Variants in CRTC3 observed in about 807,000 individuals in gnomAD.
CRTC3 encodes CREB-regulated transcription coactivator 3.
In CRTC3, 26 loss-of-function variants were observed where a neutral mutation model predicts 74.5. The ratio of observed to expected loss-of-function variants is 0.35; its 90% CI spans 0.26 to 0.48. The LOEUF (loss-of-function observed/expected upper bound fraction) is 0.48, where lower values mean the gene tolerates loss of function less well. CRTC3 is among the 20% of genes least tolerant of loss of function. The pLI is 0.99. For synonymous variants in CRTC3, 377 were observed against 325.8 expected (o/e 1.16, Z -1.69); for missense variants, 760 against 787.3 (o/e 0.97, Z 0.41).
Position 90,642,276 on chromosome 15 carries a change from A to G in CRTC3, c.*136A>G. On this transcript the variant is annotated 3_prime_UTR_variant, in exon 15 of 15. Coordinates refer to ENST00000268184, the MANE Select transcript of CRTC3 (RefSeq NM_022769.5). ...CAATGCCACGGCTCCAGGGTTTCAG[A>G]TGAGATCCCATCTCAGACACTGTGG... 1.5e-6 allele frequency: 1 copy of G among 688,986 alleles called. No individual in the cohort carries two copies. The highest frequency in any genetic ancestry group is 1.8e-5 in the South Asian group (1 of 55,872). 42.7% of individuals were successfully genotyped at this position (688,986 alleles called of 1,614,324 possible). A position where few individuals can be genotyped will look rare whatever the true frequency, so the allele number is the denominator to read the frequency against.
intron 3 of CRTC3, among the ~76,000 whole-genome samples, chr15:90,599,991 TACTG>T (rs1317828317): frequency 6.6e-6 from 1 of 152,174 alleles, no homozygotes; most frequent in Non-Finnish European, 1.5e-5. Flanking sequence ...CCAACAGAAA[TACTG>T]ACAGGTTTTG....
intron 2 of CRTC3, among the ~76,000 whole-genome samples, chr15:90,541,958 T>C (rs1291287205): frequency 6.6e-6 from 1 of 151,760 alleles, no homozygotes; most frequent in Non-Finnish European, 1.5e-5. Flanking sequence ...CTAATTTTTA[T>C]ATTTTTAGTA....
intron 2 of CRTC3, among the ~76,000 whole-genome samples, chr15:90,583,433 T>A (rs1967588077): frequency 6.6e-6 from 1 of 152,168 alleles, no homozygotes; most frequent in Non-Finnish European, 1.5e-5. Flanking sequence ...CTGCTCTTCA[T>A]CTCTTCTTTT....
At chr15:90,613,104 G>GCAGGGGAATCGCTTGAA (rs71311224) in intron 6 of CRTC3, among the ~76,000 whole-genome samples, 2 of 150,790 alleles carry the variant, frequency 1.3e-5, no homozygotes, top group African/African-American at 2.4e-5. Context: ...GGAGGCTGAG[G>GCAGGGGAATCGCTTGAA]CCCAGGAGGT....
chr15:90,533,846 A>G (rs1028455654), intron 1 of CRTC3, among the ~76,000 whole-genome samples: 30 of 152,162 alleles, frequency 2.0e-4, no homozygotes, highest in African/African-American at 7.2e-4. Context: ...CTAAAGGCTC[A>G]GGGGGAGTGG....
intron 2 of CRTC3, among the ~76,000 whole-genome samples, chr15:90,574,599 T>C (rs779240724): frequency 1.4e-4 from 21 of 152,170 alleles, no homozygotes; most frequent in Non-Finnish European, 2.9e-4. Flanking sequence ...GGCACAAGCA[T>C]ATGCATGTGT....
At chr15:90,613,085 A>C (rs1968401926) in intron 6 of CRTC3, among the ~76,000 whole-genome samples, 1 of 149,890 alleles carries the variant, frequency 6.7e-6, no homozygotes, top group African/African-American at 2.5e-5. Context: ...CTGTAATCCC[A>C]ACTACTGGGG....
intron 2 of CRTC3, among the ~76,000 whole-genome samples, chr15:90,592,781 A>G (rs1967830663): frequency 1.3e-5 from 2 of 152,208 alleles, no homozygotes; most frequent in South Asian, 4.1e-4. Flanking sequence ...ATAGTAAGAG[A>G]GTGGGTGTCC....
At chr15:90,531,408 C>T (rs1966624765) in intron 1 of CRTC3, among the ~76,000 whole-genome samples, 1 of 152,104 alleles carries the variant, frequency 6.6e-6, no homozygotes, top group Non-Finnish European at 1.5e-5. Flanking sequence ...TGCCACCGTC[C>T]ACTCTCTGTC....
chr15:90,540,031 G>C lies in CRTC3; in HGVS notation c.133-8G>C. On this transcript the variant is annotated splice_region_variant and splice_polypyrimidine_tract_variant and intron_variant, in intron 1 of 14. Transcript: ENST00000268184. ...CCTCTCAGCGTTCTTAAATCACTTT[G>C]TTTCCAGGTTCAATTTCAGAAGCTT... The C allele has an allele frequency of 1.2e-6, 2 of 1,601,842 alleles. No homozygotes were observed. Among genetic ancestry groups the C allele is most frequent in the Admixed American group, 3.3e-5 (2 of 59,840 alleles).
chr15:90,561,205 T>G (rs1967004631), intron 2 of CRTC3, among the ~76,000 whole-genome samples: 1 of 152,228 alleles, frequency 6.6e-6, no homozygotes, highest in South Asian at 2.1e-4. Context: ...GCACAGTTGT[T>G]GTTCAATACA....
rs141717964 is a variant in CRTC3, at chr15:90,553,685, C to T, written c.231+13548C>T. 8.5e-4 allele frequency among the ~76,000 whole-genome samples: 130 copies of T among 152,266 alleles called. 1 individual carries two copies. Among genetic ancestry groups the T allele is most frequent in the African/African-American group, 3.1e-3 (128 of 41,554 alleles). On this transcript the variant is annotated intron_variant, in intron 2 of 14. Transcript: ENST00000268184. Reference sequence around the variant, plus strand: ...ATTGCCATTTTCATTCTGCCTCCTACGTGCTCTCAATTGTTCATGCAGTGG... The same window carrying T: ...ATTGCCATTTTCATTCTGCCTCCTATGTGCTCTCAATTGTTCATGCAGTGG...
chr15:90,617,172 T>A (rs2151087579), intron 7 of CRTC3, among the ~76,000 whole-genome samples: 1 of 151,844 alleles, frequency 6.6e-6, no homozygotes, highest in Middle Eastern at 3.4e-3. Flanking sequence ...TCTAAAGGGC[T>A]CCCCCCAGTG....
At chr15:90,542,933 C>T (rs1411436612) in intron 2 of CRTC3, among the ~76,000 whole-genome samples, 2 of 152,028 alleles carry the variant, frequency 1.3e-5, no homozygotes, top group Non-Finnish European at 2.9e-5. Context: ...AGAAGTGAGG[C>T]TGTTATGGTA....
At chr15:90,635,538 G>T (rs138331645) in intron 11 of CRTC3, among the ~76,000 whole-genome samples, 3,053 of 152,162 alleles carry the variant, frequency 0.02, 116 homozygotes, top group African/African-American at 0.07. Flanking sequence ...TCAGCTACTC[G>T]GGAGACTGAG....
At position 90,584,552 on chromosome 15, in the gene CRTC3, A is replaced by T. The variant is rs1291360187; in HGVS notation, c.232-9084A>T. On this transcript the variant is annotated intron_variant, in intron 2 of 14. Coordinates refer to ENST00000268184, the MANE Select transcript of CRTC3 (RefSeq NM_022769.5). Reference sequence around the variant, plus strand: ...GTGCCCGGCCCCCAGCAGAATTTTTAAAAAAGAGTTGTGGTCTCATTATGT... The same window carrying T: ...GTGCCCGGCCCCCAGCAGAATTTTTTAAAAAGAGTTGTGGTCTCATTATGT... Among the ~76,000 whole-genome samples, 5 of 152,272 alleles carry T rather than the reference A, an allele frequency of 3.3e-5. No individual in the cohort carries two copies. In the East Asian group the frequency reaches 5.8e-4, roughly 18 times the overall value.
intron 2 of CRTC3, among the ~76,000 whole-genome samples, chr15:90,551,950 A>G (rs1039936078): frequency 3.9e-4 from 8 of 20,444 alleles, no homozygotes; most frequent in Admixed American, 1.1e-3. Flanking sequence ...ACACGCACAC[A>G]CACACACACA....
Position 90,642,664 on chromosome 15 carries a change from T to G in CRTC3, c.*524T>G, listed in dbSNP as rs1969492141. ...TCCCAGGCTGAGTGGACCCCACGGC[T>G]CTCTCCCACGCCTGGATTACGACAT... On this transcript the variant is annotated 3_prime_UTR_variant, in exon 15 of 15. Transcript: ENST00000268184. 1 of 235,134 alleles carries G rather than the reference T, an allele frequency of 4.3e-6. No individual in the cohort carries two copies. Among genetic ancestry groups the G allele is most frequent in the East Asian group, 6.1e-5 (1 of 16,390 alleles). 14.6% of individuals were successfully genotyped at this position (235,134 alleles called of 1,614,324 possible).
chr15:90,541,196 A>G (rs145513340), intron 2 of CRTC3, among the ~76,000 whole-genome samples: 155 of 152,354 alleles, frequency 1.0e-3, no homozygotes, highest in Non-Finnish European at 1.9e-3. Context: ...GGAGCCTGTC[A>G]TTCTAATTAT....
Sources: gnomAD v4.1 joint callset for allele counts (sites outside exome capture counted in the v4.1 genomes callset) on GRCh38, gnomAD v4.1.1 for gene constraint, MANE v1.5 for transcripts, NCBI Gene and HGNC (gene_info 2026-07-23, HGNC 2026-07-21) for gene names.